Variants in PLXDC2 observed in about 807,000 individuals in gnomAD.
PLXDC2 encodes plexin domain containing 2, also known as plexin domain-containing protein 2.
In PLXDC2, 40 loss-of-function variants were observed where a neutral mutation model predicts 68.9. That is an observed-to-expected ratio of 0.58 (90% CI 0.45 to 0.76). PLXDC2 has a LOEUF of 0.76. PLXDC2 is among the 30% of genes least tolerant of loss of function. The pLI is 0.00. For synonymous variants in PLXDC2, 243 were observed against 234.2 expected (o/e 1.04, Z -0.34); for missense variants, 644 against 661.9 (o/e 0.97, Z 0.30).
At chr10:20,183,600 A>G (rs1322461034) in intron 9 of PLXDC2, among the ~76,000 whole-genome samples, 2 of 151,950 alleles carry the variant, frequency 1.3e-5, no homozygotes, top group African/African-American at 4.8e-5. Context: ...AGGAGAAATA[A>G]GGAAACATAA....
intron 1 of PLXDC2, among the ~76,000 whole-genome samples, chr10:19,888,230 C>A (rs1837884819): frequency 1.3e-5 from 2 of 152,132 alleles, no homozygotes; most frequent in South Asian, 4.1e-4. Flanking sequence ...ATTTATTGAA[C>A]TGGGTGGATC....
chr10:20,263,425 T>C (rs1835833437), intron 13 of PLXDC2, among the ~76,000 whole-genome samples: 1 of 151,926 alleles, frequency 6.6e-6, no homozygotes, highest in South Asian at 2.1e-4. Context: ...ACCTAGGAAA[T>C]ACCATCCTGA....
At chr10:20,147,325 G>A (rs1475537677) in intron 5 of PLXDC2, among the ~76,000 whole-genome samples, 1 of 152,054 alleles carries the variant, frequency 6.6e-6, no homozygotes, top group Non-Finnish European at 1.5e-5. Flanking sequence ...CCTTCAATGT[G>A]GAAAAGTATA....
At chr10:20,009,827 G>A (rs974109246) in intron 2 of PLXDC2, among the ~76,000 whole-genome samples, 1 of 151,118 alleles carries the variant, frequency 6.6e-6, no homozygotes, top group Non-Finnish European at 1.5e-5. Context: ...TATCAGGAAG[G>A]TACTTGGAAA....
At chr10:20,082,070 A>AAAAAAAAAAAAAAAAAAAC (rs1554765383) in intron 4 of PLXDC2, among the ~76,000 whole-genome samples, 9 of 121,924 alleles carry the variant, frequency 7.4e-5, no homozygotes, top group South Asian at 5.9e-4. Flanking sequence ...AAATCAAAAA[A>AAAAAAAAAAAAAAAAAAAC]AAAAAACAGG....
Position 20,177,039 on chromosome 10 carries a change from G to T in PLXDC2, c.924G>T (p.Glu308Asp). ...CAATTTATGAATACCACCGAGTAGA[G>T]CTACAAATGTCAAAAATTACCAACA... is the stretch of plus-strand genomic sequence containing the variant. Reference protein sequence around the residue: ...RRTIYEYHRVELQMSKITNIS... With the variant: ...RRTIYEYHRVDLQMSKITNIS... The change falls in exon 8 of 14, where the codon GAG becomes GAT. Residue 308 changes from glutamate (E) to aspartate (D), a missense_variant. Glu to Asp is a conservative substitution (Grantham distance 45). Coordinates refer to ENST00000377252, the MANE Select transcript of PLXDC2 (RefSeq NM_032812.9). 3.1e-6 allele frequency: 5 copies of T among 1,611,904 alleles called. No individual in the cohort carries two copies. Among genetic ancestry groups the T allele is most frequent in the South Asian group, 2.2e-5 (2 of 91,044 alleles).
Position 20,217,584 on chromosome 10 carries a change from A to T in PLXDC2, c.1273+8A>T. The T allele has an allele frequency of 8.4e-7, 1 of 1,183,776 alleles. No individual in the cohort carries two copies. 73.3% of individuals were successfully genotyped at this position (1,183,776 alleles called of 1,614,324 possible). On this transcript the variant is annotated splice_region_variant and intron_variant, in intron 11 of 13. Transcript: ENST00000377252. ...CCAGCCTCCCTACAGAAGGTACCCA[A>T]GAGATAGTTTGCTTTTTTTTTTTTT...
intron 6 of PLXDC2, among the ~76,000 whole-genome samples, chr10:20,149,488 C>T (rs1440134230): frequency 6.6e-6 from 1 of 151,982 alleles, no homozygotes; most frequent in Non-Finnish European, 1.5e-5. Flanking sequence ...ATCCTCCTGC[C>T]TCGGCCTCCC....
At chr10:20,104,315 GT>G (rs1262304964) in intron 4 of PLXDC2, among the ~76,000 whole-genome samples, 1 of 152,134 alleles carries the variant, frequency 6.6e-6, no homozygotes, top group Non-Finnish European at 1.5e-5. Flanking sequence ...GTTGTCAAAT[GT>G]TTTACACTGA....
At chr10:19,922,667 G>A (rs1268912938) in intron 1 of PLXDC2, among the ~76,000 whole-genome samples, 5 of 152,116 alleles carry the variant, frequency 3.3e-5, no homozygotes, top group African/African-American at 4.8e-5. Context: ...AGGGATAAAC[G>A]CTTGTCACCT....
chr10:20,001,703 C>G, intron 1 of PLXDC2, 72 bp from the exon 2 acceptor site: 1 of 1,390,100 alleles, frequency 7.2e-7, no homozygotes, highest in Non-Finnish European at 1.0e-6. Context: ...CTTTTTTCTT[C>G]TCGAGCCGAT....
chr10:20,213,155 T>A (rs975831914), intron 10 of PLXDC2, among the ~76,000 whole-genome samples: 1 of 152,112 alleles, frequency 6.6e-6, no homozygotes, highest in African/African-American at 2.4e-5. Context: ...GGTGTTATTT[T>A]TGTGTATTTT....
chr10:19,929,844 A>G (rs904299200), intron 1 of PLXDC2, among the ~76,000 whole-genome samples: 1 of 152,208 alleles, frequency 6.6e-6, no homozygotes, highest in African/African-American at 2.4e-5. Flanking sequence ...TTCATTTCAC[A>G]CTGTCCATAT....
At chr10:20,124,876 A>G (rs1833750810) in intron 4 of PLXDC2, among the ~76,000 whole-genome samples, 1 of 151,972 alleles carries the variant, frequency 6.6e-6, no homozygotes, top group African/African-American at 2.4e-5. Flanking sequence ...GGCCATCTGG[A>G]TGTGTACGTG....
intron 1 of PLXDC2, among the ~76,000 whole-genome samples, chr10:19,959,390 A>G (rs1347398656): frequency 6.6e-6 from 1 of 152,208 alleles, no homozygotes; most frequent in Non-Finnish European, 1.5e-5. Flanking sequence ...ACCTTTTGAT[A>G]AAAAGCTACT....
In PLXDC2 at chr10:20,255,615, C is replaced by T. The variant is rs1270840420; in HGVS notation, c.1473+10110C>T. ...TTTTAGTGTATTCTTTTCTAGCAAA[C>T]ATACCAAACAACTAAACTAAATTAG... On this transcript the variant is annotated intron_variant, in intron 13 of 13. Coordinates refer to ENST00000377252, the MANE Select transcript of PLXDC2 (RefSeq NM_032812.9). Among the ~76,000 whole-genome samples the T allele has an allele frequency of 3.3e-5, 5 of 152,152 alleles. No homozygotes were observed. In the East Asian group the frequency reaches 7.7e-4, roughly 24 times the overall value.
chr10:20,186,244 CAGAA>C (rs769058266), intron 9 of PLXDC2, among the ~76,000 whole-genome samples: 9 of 151,840 alleles, frequency 5.9e-5, no homozygotes, highest in Non-Finnish European at 1.2e-4. Context: ...TCATCATAGA[CAGAA>C]AGAGAGAACT....
Position 20,283,028 on chromosome 10 carries a change from T to A in PLXDC2, c.*3209T>A, listed in dbSNP as rs1836101765. The stretch of plus-strand genomic sequence containing the variant: ...TCAATAGCCACGCCTGGCTTGTGGC[T>A]ACCATATTGGATAACAAGAAACACT... On this transcript the variant is annotated 3_prime_UTR_variant, in exon 14 of 14. Transcript: ENST00000377252. 6.6e-6 allele frequency: 1 copy of A among 152,228 alleles called. No homozygotes were observed. Among genetic ancestry groups the A allele is most frequent in the Admixed American group, 6.5e-5 (1 of 15,274 alleles). The allele number at this position is 152,228 out of a possible 1,614,324, so 9.4% of individuals were successfully genotyped here.
intron 9 of PLXDC2, among the ~76,000 whole-genome samples, chr10:20,180,637 G>T (rs1834590995): frequency 6.6e-6 from 1 of 151,950 alleles, no homozygotes; most frequent in African/African-American, 2.4e-5. Context: ...GGTAATTACT[G>T]AACTCTCAAG....
Sources: allele counts gnomAD v4.1 joint callset (sites outside exome capture counted in the v4.1 genomes callset), GRCh38; gene constraint gnomAD v4.1.1; transcripts MANE v1.5; gene names NCBI Gene and HGNC (gene_info 2026-07-23, HGNC 2026-07-21).